Variants in TRAF3IP1 observed in about 807,000 individuals in gnomAD.
TRAF3IP1 encodes the protein TRAF3-interacting protein 1.
Under a neutral mutation model 89.9 loss-of-function variants are expected in TRAF3IP1, and 53 were observed. The observed-to-expected ratio is 0.59, with a 90% confidence interval of 0.47 to 0.74. TRAF3IP1 has a LOEUF of 0.74. TRAF3IP1 is among the 30% of genes least tolerant of loss of function. The pLI is 0.00. For synonymous variants in TRAF3IP1, 311 were observed against 322.1 expected (o/e 0.97, Z 0.37); for missense variants, 806 against 866.1 (o/e 0.93, Z 0.87).
chr2:238,338,492 A>C (rs1422478371), intron 8 of TRAF3IP1, 35 bp downstream of exon 8: 1 of 1,199,532 alleles, frequency 8.3e-7, no homozygotes, highest in South Asian at 1.4e-5. Flanking sequence ...TAAATTCCTC[A>C]CCACTTTAAT....
chr2:238,397,270 C>T (rs1007383013), intron 15 of TRAF3IP1, among the ~76,000 whole-genome samples, 189 bp from the exon 16 acceptor site: 2 of 152,170 alleles, frequency 1.3e-5, no homozygotes, highest in Non-Finnish European at 2.9e-5. Context: ...TGATGGCGTG[C>T]AGCACTTCAG....
chr2:238,364,858 G>A (rs973273047), intron 15 of TRAF3IP1, among the ~76,000 whole-genome samples: 1 of 152,172 alleles, frequency 6.6e-6, no homozygotes, highest in Non-Finnish European at 1.5e-5. Context: ...GTGAGAACAG[G>A]TGGGCATGTA....
At chr2:238,334,532 A>G (rs760230499) in intron 7 of TRAF3IP1, among the ~76,000 whole-genome samples, 17 of 152,226 alleles carry the variant, frequency 1.1e-4, no homozygotes, top group Non-Finnish European at 2.2e-4. Flanking sequence ...CTTGCCTAAC[A>G]TAAGAGTGTC....
At chr2:238,373,250 G>A (rs1411740350) in intron 15 of TRAF3IP1, among the ~76,000 whole-genome samples, 1 of 152,258 alleles carries the variant, frequency 6.6e-6, no homozygotes, top group East Asian at 1.9e-4. Flanking sequence ...TTCTTCTAGG[G>A]TTTTTATGGT....
In TRAF3IP1 at chr2:238,328,903, A is replaced by G. The variant is rs1215813273; in HGVS notation, c.499-23A>G. On this transcript the variant is annotated intron_variant, in intron 4 of 16. Transcript: ENST00000373327. ...GTAGTTTAGGTAAAAATATTCATAAATGATTTTATTTTTATTTCGTAGGAT... is the reference window on the plus strand; with the variant it reads ...GTAGTTTAGGTAAAAATATTCATAAGTGATTTTATTTTTATTTCGTAGGAT... 11 of 1,580,030 alleles carry G rather than the reference A, an allele frequency of 7.0e-6. No individual in the cohort carries two copies. The East Asian group carries it at 2.5e-4, about 36-fold the overall frequency.
In TRAF3IP1 at chr2:238,349,343, G is replaced by A. The variant is rs776599461; in HGVS notation, c.1386G>A (p.Gly462=). 2.1e-5 allele frequency: 34 copies of A among 1,614,010 alleles called. No homozygotes were observed. Among genetic ancestry groups the A allele is most frequent in the Non-Finnish European group, 2.7e-5 (32 of 1,180,034 alleles). Residue 462 remains glycine, a synonymous_variant, in exon 12 of 17, where the codon GGG becomes GGA. Transcript: ENST00000373327. ...GGTTTAGAAGAATTCCTCGGCCTGGGAGTGCAAGACCAGCCCCTCCCCGGG... is the reference window on the plus strand; with the variant it reads ...GGTTTAGAAGAATTCCTCGGCCTGGAAGTGCAAGACCAGCCCCTCCCCGGG... The part of the protein sequence containing the change: ...SSNIRRIPRP[G]SARPAPPRVK...
At chr2:238,348,644 T>G in intron 10 of TRAF3IP1, 120 bp from the exon 11 acceptor site, 1 of 814,366 alleles carries the variant, frequency 1.2e-6, no homozygotes, top group Admixed American at 2.5e-5. Context: ...TCATTTGTAT[T>G]TGCAATTACA....
intron 1 of TRAF3IP1, among the ~76,000 whole-genome samples, chr2:238,323,462 G>A (rs1256590190): frequency 2.6e-5 from 4 of 152,146 alleles, no homozygotes; most frequent in African/African-American, 7.2e-5. Flanking sequence ...GTTAAATGCA[G>A]GATGCTCTTA....
At chr2:238,329,623 T>C (rs1289453742) in intron 5 of TRAF3IP1, among the ~76,000 whole-genome samples, 1 of 152,250 alleles carries the variant, frequency 6.6e-6, no homozygotes, top group Non-Finnish European at 1.5e-5. Context: ...TCCTACTTCA[T>C]GTCCAGGGAG....
chr2:238,396,385 G>A (rs1157464472), intron 15 of TRAF3IP1, among the ~76,000 whole-genome samples: 1 of 118,470 alleles, frequency 8.4e-6, no homozygotes, highest in Non-Finnish European at 1.7e-5. Context: ...GTTGTGGGGT[G>A]GGGGGAGGGG....
chr2:238,365,714 TC>T (rs1309775175), intron 15 of TRAF3IP1, among the ~76,000 whole-genome samples: 3 of 151,740 alleles, frequency 2.0e-5, no homozygotes, highest in African/African-American at 7.3e-5. Context: ...AGAGACATAC[TC>T]TGTTGGTAAG....
intron 15 of TRAF3IP1, among the ~76,000 whole-genome samples, chr2:238,390,597 C>A (rs1700952889): frequency 6.6e-6 from 1 of 152,150 alleles, no homozygotes; most frequent in Non-Finnish European, 1.5e-5. Context: ...GAAAAAGCAC[C>A]CATGCCTTGT....
rs1273308921 is a variant in TRAF3IP1 at position 238,328,977 on chromosome 2, C to G, written c.550C>G (p.Gln184Glu). Reference protein sequence around the residue: ...KERSTSRDRKQKEELKEDRKP... With the variant: ...KERSTSRDRKEKEELKEDRKP... ...GAGAAGTACAAGCAGAGATCGAAAA[C>G]AGAAGGAAGAATTGAAAGAAGACCG... Residue 184 changes from glutamine to glutamate, a missense_variant, in exon 5 of 17, where the codon CAG becomes GAG. Coordinates refer to ENST00000373327, the MANE Select transcript of TRAF3IP1 (RefSeq NM_015650.4). 6.4e-7 allele frequency: 1 copy of G among 1,552,030 alleles called. No individual in the cohort carries two copies.
intron 15 of TRAF3IP1, among the ~76,000 whole-genome samples, chr2:238,373,705 T>C (rs1235052935): frequency 6.6e-6 from 1 of 152,206 alleles, no homozygotes; most frequent in African/African-American, 2.4e-5. Context: ...TGGCATTGAA[T>C]CTATAAATTA....
At chr2:238,340,918 C>T (rs1352238748) in intron 8 of TRAF3IP1, among the ~76,000 whole-genome samples, 6 of 151,954 alleles carry the variant, frequency 3.9e-5, no homozygotes, top group Non-Finnish European at 8.8e-5. Context: ...GGTACAGTGG[C>T]ATGATCTCAG....
intron 6 of TRAF3IP1, 84 bp from the exon 7 acceptor site, chr2:238,333,876 C>A (rs1698249897): frequency 8.6e-7 from 1 of 1,165,982 alleles, no homozygotes; most frequent in Non-Finnish European, 1.2e-6. Flanking sequence ...TGTTCTTCCT[C>A]AAGAAGAGCT....
chr2:238,337,260 C>A (rs1002630152), intron 7 of TRAF3IP1, among the ~76,000 whole-genome samples: 1 of 152,072 alleles, frequency 6.6e-6, no homozygotes, highest in Admixed American at 6.5e-5. Flanking sequence ...GAATGAGGGG[C>A]GTGAGCAGGG....
intron 2 of TRAF3IP1, among the ~76,000 whole-genome samples, 168 bp downstream of exon 2, chr2:238,325,542 T>C (rs1697783356): frequency 1.3e-5 from 2 of 152,184 alleles, no homozygotes; most frequent in Admixed American, 6.5e-5. Context: ...ATTTTCTCAT[T>C]GTGGCAACTG....
rs10527993 is a variant in TRAF3IP1 at position 238,351,834 on chromosome 2, GGTGTGTGT to G, written c.1452-967_1452-960del. On this transcript the variant is annotated intron_variant, in intron 12 of 16. Transcript: ENST00000373327. The surrounding 1 kb of genome is among the most constrained non-coding windows in gnomAD (Gnocchi z 5.2). The stretch of plus-strand genomic sequence containing the variant: ...TGGCACTGAAGCAAGGGAGGATTTT[GGTGTGTGT>G]GTGTGTGTGTGTGTGTGTGTGTGTG... 6.1e-3 allele frequency among the ~76,000 whole-genome samples: 855 copies of G among 140,874 alleles called. 4 individuals are homozygous for G. The highest frequency in any genetic ancestry group is 8.5e-3 in the Non-Finnish European group (539 of 63,784). The allele number at this position is 140,874 out of a possible 152,430, so 92.4% of individuals were successfully genotyped here.
Sources: allele counts gnomAD v4.1 joint callset (sites outside exome capture counted in the v4.1 genomes callset), GRCh38; gene constraint gnomAD v4.1.1; non-coding constraint Gnocchi (gnomAD v3.1); transcripts MANE v1.5; gene names NCBI Gene and HGNC (gene_info 2026-07-23, HGNC 2026-07-21).